Variants in RALYL observed in about 807,000 individuals in gnomAD.
The protein encoded by RALYL is RNA-binding Raly-like protein.
A neutral mutation model predicts 35.1 loss-of-function variants in RALYL; 29 were observed. The ratio of observed to expected loss-of-function variants is 0.83; its 90% CI spans 0.61 to 1.13. The LOEUF is 1.13. Among genes scored for constraint, RALYL ranks in the 50% most tolerant of loss-of-function variants. RALYL has a pLI of 0.00. For synonymous variants in RALYL, 120 were observed against 127.6 expected, an observed-to-expected ratio of 0.94 and a Z score of 0.40; for missense variants, 359 against 360.4, an observed-to-expected ratio of 1.00 and a Z score of 0.03.
intron 1 of RALYL, among the ~76,000 whole-genome samples, chr8:84,270,961 C>A (rs1353890891): frequency 1.3e-5 from 2 of 151,432 alleles, no homozygotes; most frequent in African/African-American, 4.9e-5. Flanking sequence ...AATTCAGGAA[C>A]TAAAATTATG....
rs1297119927 is a variant in RALYL, at chr8:84,646,959, G to T, written c.256+117382G>T. Reference sequence around the variant, plus strand: ...TCATCTAGAATCCTACTCTTTTTTAGTTCTTAAGTTTCCTCTCCTTCTTTC... The same window carrying T: ...TCATCTAGAATCCTACTCTTTTTTATTTCTTAAGTTTCCTCTCCTTCTTTC... On this transcript the variant is annotated intron_variant, in intron 2 of 8. Transcript: ENST00000521268. Among the ~76,000 whole-genome samples, 3 of 151,916 alleles carry T rather than the reference G, an allele frequency of 2.0e-5. No homozygotes were observed. The East Asian group carries it at 5.8e-4, about 29-fold the overall frequency.
chr8:84,868,627 C>T (rs1453777645), intron 6 of RALYL, among the ~76,000 whole-genome samples: 1 of 152,130 alleles, frequency 6.6e-6, no homozygotes, highest in Non-Finnish European at 1.5e-5. Context: ...TAATGAAATG[C>T]AAGATGAACA....
At chr8:84,820,197 T>C (rs536418365) in intron 4 of RALYL, among the ~76,000 whole-genome samples, 140 of 152,310 alleles carry the variant, frequency 9.2e-4, no homozygotes, top group Admixed American at 2.4e-3. Flanking sequence ...CTCTGAACTC[T>C]TGGTTGTAGC....
chr8:84,502,647 T>C (rs186135868), intron 1 of RALYL, among the ~76,000 whole-genome samples: 299 of 152,164 alleles, frequency 2.0e-3, no homozygotes, highest in African/African-American at 6.8e-3. Flanking sequence ...TTATTTTTCT[T>C]CCTGTGTGTT....
intron 1 of RALYL, among the ~76,000 whole-genome samples, chr8:84,450,703 G>A (rs1465130457): frequency 1.3e-5 from 2 of 151,694 alleles, no homozygotes; most frequent in African/African-American, 4.8e-5. Context: ...GAAAAAGTTA[G>A]GCACTTTATG....
intron 2 of RALYL, among the ~76,000 whole-genome samples, chr8:84,615,306 A>G (rs913086062): frequency 6.0e-5 from 9 of 150,496 alleles, no homozygotes; most frequent in Non-Finnish European, 1.0e-4. Context: ...AGCTTTAAAG[A>G]GCCCCCTTTC....
At chr8:84,472,873 T>C (rs1428634539) in intron 1 of RALYL, among the ~76,000 whole-genome samples, 4 of 152,204 alleles carry the variant, frequency 2.6e-5, no homozygotes, top group African/African-American at 9.6e-5. Context: ...GACTGCCTGC[T>C]AGCTTACTCC....
intron 2 of RALYL, among the ~76,000 whole-genome samples, chr8:84,607,171 T>TCC (rs200562962): frequency 6.6e-6 from 1 of 151,156 alleles, no homozygotes; most frequent in African/African-American, 2.4e-5. Flanking sequence ...CCTTCTCTTT[T>TCC]CCCCCCCCTT....
At chr8:84,518,788 T>C (rs1332009655) in intron 1 of RALYL, among the ~76,000 whole-genome samples, 1 of 152,210 alleles carries the variant, frequency 6.6e-6, no homozygotes, top group East Asian at 1.9e-4. Context: ...GCCAGTATAG[T>C]AGCCTACATG....
At chr8:84,853,493 C>T (rs1836307286) in intron 5 of RALYL, among the ~76,000 whole-genome samples, 1 of 152,072 alleles carries the variant, frequency 6.6e-6, no homozygotes. Context: ...TCAGGTGACT[C>T]TCTACTATAC....
At chr8:84,605,808 A>C (rs780380076) in intron 2 of RALYL, among the ~76,000 whole-genome samples, 22 of 152,074 alleles carry the variant, frequency 1.4e-4, no homozygotes, top group Non-Finnish European at 2.9e-4. Flanking sequence ...ACTGGGGGAG[A>C]ACACAACCCC....
intron 2 of RALYL, among the ~76,000 whole-genome samples, chr8:84,729,692 T>C (rs1310264182): frequency 6.6e-6 from 1 of 151,852 alleles, no homozygotes; most frequent in African/African-American, 2.4e-5. Flanking sequence ...TAAAAAATGA[T>C]AAAGGGGATA....
intron 4 of RALYL, among the ~76,000 whole-genome samples, chr8:84,810,732 T>C (rs1680398368): frequency 6.6e-6 from 1 of 152,204 alleles, no homozygotes; most frequent in Admixed American, 6.5e-5. Context: ...ATTTTACCAT[T>C]ATATAATGTC....
At chr8:84,726,463 A>T (rs1844978224) in intron 2 of RALYL, among the ~76,000 whole-genome samples, 1 of 151,330 alleles carries the variant, frequency 6.6e-6, no homozygotes, top group South Asian at 2.1e-4. Context: ...TAACTAAAGG[A>T]TAATCTGTAA....
At position 84,298,013 on chromosome 8, in the gene RALYL, T is replaced by A. The variant is rs1364000601; in HGVS notation, c.-24+113589T>A. On this transcript the variant is annotated intron_variant, in intron 1 of 8. Transcript: ENST00000521268. ...AGCTTATTCTGTTGATACTTTCTTA[T>A]GCTCTGCAGGTGCTCTTTAGTTTTA... Among the ~76,000 whole-genome samples, 5 of 152,300 alleles carry A rather than the reference T, an allele frequency of 3.3e-5. No homozygotes were observed. The East Asian group carries it at 9.7e-4, about 29-fold the overall frequency.
rs187290606 is a variant in RALYL at position 84,573,530 on chromosome 8, G to A, written c.256+43953G>A. ...TTTCATTAGAAAATACTTTGGTATC[G>A]TTGTCTTTAGATTTATCCAGTAAGG... On this transcript the variant is annotated intron_variant, in intron 2 of 8. Coordinates refer to ENST00000521268, the MANE Select transcript of RALYL (RefSeq NM_173848.7). 6.0e-3 allele frequency among the ~76,000 whole-genome samples: 905 copies of A among 151,698 alleles called. 6 individuals carry two copies. The highest frequency in any genetic ancestry group is 0.02 in the African/African-American group (839 of 41,420).
chr8:84,636,502 A>G (rs1825092009), intron 2 of RALYL, among the ~76,000 whole-genome samples: 1 of 151,844 alleles, frequency 6.6e-6, no homozygotes, highest in South Asian at 2.1e-4. Context: ...TCCCCTTATT[A>G]CATCTTGATA....
intron 5 of RALYL, among the ~76,000 whole-genome samples, chr8:84,855,293 A>T (rs1836739921): frequency 6.6e-6 from 1 of 152,332 alleles, no homozygotes; most frequent in South Asian, 2.1e-4. Flanking sequence ...TCTGAAACCA[A>T]GAAACAATAG....
chr8:84,829,914 C>T (rs963903544), intron 4 of RALYL, among the ~76,000 whole-genome samples: 10 of 150,432 alleles, frequency 6.6e-5, no homozygotes, highest in African/African-American at 1.5e-4. Flanking sequence ...TCATTAACAT[C>T]GAACTCACAG....
Sources: gnomAD v4.1 joint callset for allele counts (sites outside exome capture counted in the v4.1 genomes callset) on GRCh38, gnomAD v4.1.1 for gene constraint, MANE v1.5 for transcripts, NCBI Gene and HGNC (gene_info 2026-07-23, HGNC 2026-07-21) for gene names.